The following CNTNAP4 variants were observed in gnomAD, a reference collection of about 807,000 sequenced individuals.
CNTNAP4 encodes contactin-associated protein-like 4.
In CNTNAP4, 98 loss-of-function variants were observed where a neutral mutation model predicts 148.4. The ratio of observed to expected loss-of-function variants is 0.66; its 90% CI spans 0.56 to 0.78. The LOEUF (loss-of-function observed/expected upper bound fraction) is 0.78. Among genes scored for constraint, CNTNAP4 ranks in the 30% least tolerant of loss-of-function variants. The probability of loss-of-function intolerance (pLI) is 0.00; values close to 1 mark genes in which losing one functional copy is unlikely to be tolerated. For synonymous variants in CNTNAP4, 730 were observed against 565.1 expected (o/e 1.29, Z -4.14); for missense variants, 1,935 against 1,565.6 (o/e 1.24, Z -3.98).
intron 4 of CNTNAP4, among the ~76,000 whole-genome samples, chr16:76,428,285 A>T (rs1053981295): frequency 6.6e-6 from 1 of 152,158 alleles, no homozygotes; most frequent in East Asian, 1.9e-4. Flanking sequence ...TTATTATAGA[A>T]CAGTGGGTTA....
At chr16:76,515,810 A>G (rs1435099351) in intron 15 of CNTNAP4, among the ~76,000 whole-genome samples, 1 of 152,184 alleles carries the variant, frequency 6.6e-6, no homozygotes, top group Non-Finnish European at 1.5e-5. Context: ...TTAAAAAAAA[A>G]ATAGTGCCAA....
chr16:76,510,753 C>G (rs959025724), intron 15 of CNTNAP4, among the ~76,000 whole-genome samples: 2 of 152,052 alleles, frequency 1.3e-5, no homozygotes, highest in Non-Finnish European at 2.9e-5. Context: ...GCTTTATTTT[C>G]AGAATTCTTT....
chr16:76,372,257 A>C (rs2014917276), intron 3 of CNTNAP4, among the ~76,000 whole-genome samples: 1 of 148,944 alleles, frequency 6.7e-6, no homozygotes, highest in South Asian at 2.1e-4. Context: ...CTCCTGCCTC[A>C]GCCTCCCGAG....
In CNTNAP4 at chr16:76,522,206, G is replaced by A. The variant is rs376451733; in HGVS notation, c.2704G>A (p.Ala902Thr). Residue 902 changes from alanine (A) to threonine (T), a missense_variant, in exon 17 of 24, where the codon GCC becomes ACC. Transcript: ENST00000611870. ...TCAGCTGACACCAAAGACACAGCCC[G>A]CCCCCGCTGATGGGCATGTCCTGTT... ...VDQLTPKTQPAPADGHVLLQL... is the reference protein window; with the variant it reads ...VDQLTPKTQPTPADGHVLLQL... 3.3e-5 allele frequency: 53 copies of A among 1,613,764 alleles called. No individual in the cohort carries two copies. The highest frequency in any genetic ancestry group is 5.0e-5 in the Admixed American group (3 of 59,970).
intron 3 of CNTNAP4, among the ~76,000 whole-genome samples, chr16:76,416,786 C>A (rs561489684): frequency 7.8e-4 from 118 of 151,410 alleles, no homozygotes; most frequent in African/African-American, 2.7e-3. Flanking sequence ...ATTCTTACTG[C>A]TTTCCTGCTT....
At chr16:76,471,237 C>T (rs767300444) in intron 10 of CNTNAP4, among the ~76,000 whole-genome samples, 13 of 152,180 alleles carry the variant, frequency 8.5e-5, no homozygotes, top group Admixed American at 4.6e-4. Context: ...ACTGAAAAGG[C>T]AGCTGCTATC....
chr16:76,353,544 A>G (rs1186008280), intron 2 of CNTNAP4, among the ~76,000 whole-genome samples: 1 of 152,102 alleles, frequency 6.6e-6, no homozygotes, highest in African/African-American at 2.4e-5. Flanking sequence ...GTTGTTAAGC[A>G]TCATTGCTGG....
At chr16:76,495,563 T>C (rs2082375466) in intron 14 of CNTNAP4, among the ~76,000 whole-genome samples, 1 of 152,064 alleles carries the variant, frequency 6.6e-6, no homozygotes, top group South Asian at 2.1e-4. Context: ...ATCTGTAACA[T>C]TTTAGGAATT....
chr16:76,363,573 A>G (rs1342540457), intron 3 of CNTNAP4, among the ~76,000 whole-genome samples: 1 of 152,230 alleles, frequency 6.6e-6, no homozygotes, highest in Admixed American at 6.5e-5. Flanking sequence ...GCTTCACGAC[A>G]TTGGTCTTGG....
chr16:76,329,440 A>T (rs2144230819), intron 2 of CNTNAP4, among the ~76,000 whole-genome samples: 1 of 152,308 alleles, frequency 6.6e-6, no homozygotes, highest in South Asian at 2.1e-4. Flanking sequence ...TATAATTTAA[A>T]ATCTGTTCCC....
intron 3 of CNTNAP4, among the ~76,000 whole-genome samples, chr16:76,375,770 C>T (rs1288939981): frequency 6.6e-6 from 1 of 152,170 alleles, no homozygotes; most frequent in African/African-American, 2.4e-5. Context: ...GAGCCTCCTT[C>T]TGTTGTGTGA....
At chr16:76,313,743 A>C (rs1961398389) in intron 1 of CNTNAP4, among the ~76,000 whole-genome samples, 1 of 152,222 alleles carries the variant, frequency 6.6e-6, no homozygotes, top group African/African-American at 2.4e-5. Flanking sequence ...TTCAAGAACA[A>C]ATTAGGTTCA....
intron 2 of CNTNAP4, among the ~76,000 whole-genome samples, chr16:76,350,926 A>G (rs966108740): frequency 6.6e-6 from 1 of 152,130 alleles, no homozygotes; most frequent in African/African-American, 2.4e-5. Flanking sequence ...GAGAAAGAGG[A>G]CGGTGGAACA....
intron 1 of CNTNAP4, among the ~76,000 whole-genome samples, chr16:76,288,645 C>G (rs1002738059): frequency 2.0e-5 from 3 of 152,184 alleles, no homozygotes; most frequent in South Asian, 4.1e-4. Context: ...TAAAAAGTTT[C>G]CTTTGCAAAA....
chr16:76,396,256 A>G (rs773161298), intron 3 of CNTNAP4, among the ~76,000 whole-genome samples: 1 of 152,172 alleles, frequency 6.6e-6, no homozygotes, highest in Non-Finnish European at 1.5e-5. Flanking sequence ...TTAATTCAAT[A>G]AAGAACAGCA....
At chr16:76,307,679 T>C (rs188473335) in intron 1 of CNTNAP4, among the ~76,000 whole-genome samples, 1 of 152,070 alleles carries the variant, frequency 6.6e-6, no homozygotes, top group African/African-American at 2.4e-5. Flanking sequence ...AGATCTCTGA[T>C]GCTCTCTTTA....
At chr16:76,461,902 C>T in intron 8 of CNTNAP4, 54 bp from the exon 9 acceptor site, 2 of 1,530,130 alleles carry the variant, frequency 1.3e-6, no homozygotes, top group Non-Finnish European at 9.0e-7. Flanking sequence ...TTCTAACCAA[C>T]TCCTTATAGT....
chr16:76,544,971 T>G (rs1315791546), intron 21 of CNTNAP4, among the ~76,000 whole-genome samples: 1 of 152,182 alleles, frequency 6.6e-6, no homozygotes, highest in East Asian at 1.9e-4. Flanking sequence ...AAATTCTTTA[T>G]GTAAAACTTG....
chr16:76,378,805 C>T (rs900513000), intron 3 of CNTNAP4, among the ~76,000 whole-genome samples: 1 of 152,156 alleles, frequency 6.6e-6, no homozygotes, highest in Non-Finnish European at 1.5e-5. Context: ...GGGAGAAAAC[C>T]CGGCCCAGCT....
Sources: gnomAD v4.1 joint callset for allele counts (sites outside exome capture counted in the v4.1 genomes callset) on GRCh38, gnomAD v4.1.1 for gene constraint, MANE v1.5 for transcripts, NCBI Gene and HGNC (gene_info 2026-07-23, HGNC 2026-07-21) for gene names.